The following GABRB3 variants were observed in gnomAD, a reference collection of about 807,000 sequenced individuals.
GABRB3 encodes the protein gamma-aminobutyric acid type A receptor subunit beta3.
In GABRB3, 14 loss-of-function variants were observed where a neutral mutation model predicts 52.1. The ratio of observed to expected loss-of-function variants is 0.27; its 90% confidence interval spans 0.18 to 0.42. The LOEUF is 0.42. Ranked by LOEUF, GABRB3 falls within the 10% of genes least tolerant of loss-of-function variation. The probability of loss-of-function intolerance (pLI) is 1.00; values close to 1 mark genes in which losing one functional copy is unlikely to be tolerated. For synonymous variants in GABRB3, 260 were observed against 232.3 expected, an observed-to-expected ratio of 1.12 and a Z score of -1.08; for missense variants, 307 against 609.1, an observed-to-expected ratio of 0.50 and a Z score of 5.22.
chr15:26,721,340 AG>A (rs1566818773), intron 3 of GABRB3, among the ~76,000 whole-genome samples: 1 of 152,070 alleles, frequency 6.6e-6, no homozygotes, highest in South Asian at 2.1e-4. Context: ...TCCATTTGTA[AG>A]GGTGTCTTCC....
chr15:26,568,665 G>GTTTTTTTTTTTTTTTTTTTGTGT (rs138366725), intron 6 of GABRB3, among the ~76,000 whole-genome samples: 1 of 119,020 alleles, frequency 8.4e-6, no homozygotes, highest in Non-Finnish European at 1.7e-5. Flanking sequence ...GCCCAGCTAG[G>GTTTTTTTTTTTTTTTTTTTGTGT]TTTTTTTTTT....
chr15:26,681,746 GAGGCC>G (rs1888247307), intron 3 of GABRB3, among the ~76,000 whole-genome samples: 1 of 152,142 alleles, frequency 6.6e-6, no homozygotes, highest in Non-Finnish European at 1.5e-5. Flanking sequence ...TGAATAGCTT[GAGGCC>G]AGGAGTTTGA....
chr15:26,741,108 T>C (rs1042804605), intron 3 of GABRB3, among the ~76,000 whole-genome samples: 7 of 151,176 alleles, frequency 4.6e-5, no homozygotes, highest in Non-Finnish European at 1.0e-4. Flanking sequence ...TACAAGCACA[T>C]AGCAAAAAAA....
chr15:26,624,703 C>G (rs931359478), intron 3 of GABRB3: 1 of 984,140 alleles, frequency 1.0e-6, no homozygotes, highest in African/African-American at 1.7e-5. Flanking sequence ...CCATGTATGG[C>G]AAGGACTATC....
chr15:26,563,216 G>A (rs1241954593), intron 7 of GABRB3, among the ~76,000 whole-genome samples: 1 of 152,166 alleles, frequency 6.6e-6, no homozygotes, highest in Non-Finnish European at 1.5e-5. Context: ...TGGGCTGAAG[G>A]CACACAGGAA....
intron 3 of GABRB3, among the ~76,000 whole-genome samples, chr15:26,718,047 T>C (rs553714055): frequency 7.3e-4 from 111 of 152,298 alleles, no homozygotes; most frequent in Non-Finnish European, 1.4e-3. Context: ...AAAAATGTCA[T>C]ACATAACCTA....
chr15:26,658,130 A>G (rs1887430558), intron 3 of GABRB3, among the ~76,000 whole-genome samples: 1 of 152,202 alleles, frequency 6.6e-6, no homozygotes, highest in African/African-American at 2.4e-5. Flanking sequence ...CACCCAGACC[A>G]GTAAACTGGT....
intron 3 of GABRB3, among the ~76,000 whole-genome samples, chr15:26,752,271 T>A (rs1890532483): frequency 6.7e-6 from 1 of 150,316 alleles, no homozygotes. Flanking sequence ...ATTTATTTAT[T>A]TATTTATTTT....
At chr15:26,560,116 T>C (rs1308344428) in intron 8 of GABRB3, among the ~76,000 whole-genome samples, 1 of 152,248 alleles carries the variant, frequency 6.6e-6, no homozygotes, top group African/African-American at 2.4e-5. Flanking sequence ...CGTTTCATTC[T>C]TTCCAGACCC....
intron 3 of GABRB3, among the ~76,000 whole-genome samples, chr15:26,711,493 T>C (rs1003882590): frequency 1.3e-5 from 2 of 152,226 alleles, no homozygotes; most frequent in African/African-American, 4.8e-5. Flanking sequence ...ATCTGCTTCA[T>C]ATTCATTTTA....
At chr15:26,649,658 C>CTGTGTGTG (rs57833685) in intron 3 of GABRB3, among the ~76,000 whole-genome samples, 37,686 of 129,882 alleles carry the variant, frequency 0.29, 6,042 homozygotes, top group African/African-American at 0.33. Context: ...AGAGCCAAGG[C>CTGTGTGTG]TGTGTGTGTG....
chr15:26,710,050 G>C (rs1367488325), intron 3 of GABRB3, among the ~76,000 whole-genome samples: 1 of 152,072 alleles, frequency 6.6e-6, no homozygotes, highest in Non-Finnish European at 1.5e-5. Context: ...GTAGTCTTTG[G>C]TGTCTGGCTT....
chr15:26,630,002 A>G (rs180733680), intron 3 of GABRB3, among the ~76,000 whole-genome samples: 58 of 152,142 alleles, frequency 3.8e-4, no homozygotes, highest in Admixed American at 3.4e-3. Context: ...AGGTAAAGGC[A>G]ATGAGAGGTC....
chr15:26,687,421 T>A (rs1277592834), intron 3 of GABRB3, among the ~76,000 whole-genome samples: 1 of 152,166 alleles, frequency 6.6e-6, no homozygotes, highest in African/African-American at 2.4e-5. Flanking sequence ...GCTAACAGGA[T>A]ACGTGTCCAT....
chr15:26,764,632 T>C (rs1159812120), intron 3 of GABRB3, among the ~76,000 whole-genome samples: 1 of 152,172 alleles, frequency 6.6e-6, no homozygotes, highest in Non-Finnish European at 1.5e-5. Context: ...CTTGATTGAA[T>C]GGCACTGAGC....
chr15:26,547,518 T>C lies in GABRB3; in HGVS notation c.*275A>G, dbSNP rs1654930168. 1 of 521,724 alleles carries C rather than the reference T, an allele frequency of 1.9e-6. No homozygotes were observed. The highest frequency in any genetic ancestry group is 3.4e-6 in the Non-Finnish European group (1 of 298,384). The allele number at this position is 521,724 out of a possible 1,614,324, so 32.3% of individuals were successfully genotyped here. On this transcript the variant is annotated 3_prime_UTR_variant, in exon 9 of 9. Coordinates refer to ENST00000311550, the MANE Select transcript of GABRB3 (RefSeq NM_000814.6). ...TCTTTAATATGCATCCTGTGGTAAATTGTCCATAGCTGCAAAATGTATATA... is the reference window on the plus strand; with the variant it reads ...TCTTTAATATGCATCCTGTGGTAAACTGTCCATAGCTGCAAAATGTATATA...
intron 8 of GABRB3, among the ~76,000 whole-genome samples, chr15:26,549,554 T>C (rs1889382605): frequency 6.6e-6 from 1 of 152,190 alleles, no homozygotes; most frequent in African/African-American, 2.4e-5. Context: ...CAACCCAGTC[T>C]GGTTCAACCT....
chr15:26,705,447 A>C (rs1232410009), intron 3 of GABRB3, among the ~76,000 whole-genome samples: 1 of 152,242 alleles, frequency 6.6e-6, no homozygotes, highest in African/African-American at 2.4e-5. Flanking sequence ...GGGAGACATA[A>C]ACATAGTCCA....
chr15:26,554,256 C>T (rs1474045551), intron 8 of GABRB3, among the ~76,000 whole-genome samples: 1 of 131,910 alleles, frequency 7.6e-6, no homozygotes, highest in African/African-American at 2.8e-5. Context: ...CTGGAATTCC[C>T]AGGCTCAAGT....
Sources: gnomAD v4.1 joint callset for allele counts (sites outside exome capture counted in the v4.1 genomes callset) on GRCh38, gnomAD v4.1.1 for gene constraint, MANE v1.5 for transcripts, NCBI Gene and HGNC (gene_info 2026-07-23, HGNC 2026-07-21) for gene names.